ATP6V1E2: variants seen among roughly 807,000 people sequenced by gnomAD.
ATP6V1E2 encodes ATPase H+ transporting V1 subunit E2.
For synonymous variants in ATP6V1E2, 121 were observed against 104.2 expected (o/e 1.16, Z -0.98); for missense variants, 308 against 273.3 (o/e 1.13, Z -0.90).
At position 46,515,244 on chromosome 2, in the gene ATP6V1E2, G is replaced by A. The variant is rs1687661108; in HGVS notation, c.-101-2432C>T. Reference sequence around the variant, plus strand: ...TACAGAATACTGTAATACTGTAATGGTGATATGTAAATCACTTTTAATTCT... The same window carrying A: ...TACAGAATACTGTAATACTGTAATGATGATATGTAAATCACTTTTAATTCT... On this transcript the variant is annotated intron_variant, in intron 4 of 4. Coordinates refer to ENST00000522587, the MANE Select transcript of ATP6V1E2 (RefSeq NM_001318063.2). Among the ~76,000 whole-genome samples the A allele has an allele frequency of 2.0e-5, 3 of 152,270 alleles. No individual in the cohort carries two copies. In the South Asian group the frequency reaches 6.2e-4, roughly 32 times the overall value.
At chr2:46,514,892 A>G (rs1355651461) in intron 4 of ATP6V1E2, among the ~76,000 whole-genome samples, 1 of 152,198 alleles carries the variant, frequency 6.6e-6, no homozygotes, top group African/African-American at 2.4e-5. Context: ...GAAAGAGAAA[A>G]GAGCCATCAC....
chr2:46,513,348 C>T (rs1687565955), intron 4 of ATP6V1E2, among the ~76,000 whole-genome samples: 1 of 152,170 alleles, frequency 6.6e-6, no homozygotes, highest in Admixed American at 6.5e-5. Context: ...TGAGATTCAT[C>T]CTAAAGAATG....
chr2:46,537,645 G>C (rs1667517083), intron 2 of ATP6V1E2: 1 of 151,864 alleles, frequency 6.6e-6, no homozygotes, highest in African/African-American at 2.4e-5. Flanking sequence ...GACTGCTTCT[G>C]GATTTTTCCA....
At chr2:46,540,737 G>A (rs1455191376) in intron 2 of ATP6V1E2, among the ~76,000 whole-genome samples, 1 of 150,806 alleles carries the variant, frequency 6.6e-6, no homozygotes, top group Non-Finnish European at 1.5e-5. Flanking sequence ...GCTGACAGGG[G>A]GGCATTCTGG....
At chr2:46,522,910 C>T (rs1666712540) in intron 4 of ATP6V1E2, among the ~76,000 whole-genome samples, 1 of 152,112 alleles carries the variant, frequency 6.6e-6, no homozygotes, top group Admixed American at 6.6e-5. Context: ...TCTATTGTTT[C>T]CTGACTTTTT....
intron 4 of ATP6V1E2, among the ~76,000 whole-genome samples, chr2:46,517,338 T>A (rs1240565232): frequency 7.2e-5 from 11 of 152,152 alleles, no homozygotes; most frequent in Non-Finnish European, 1.5e-4. Context: ...CAACTAAAAA[T>A]TGATTGAAGA....
At position 46,512,032 on chromosome 2, in the gene ATP6V1E2, T is replaced by C; in HGVS notation, c.680A>G (p.Ter227=). The C allele has an allele frequency of 6.3e-7, 1 of 1,581,620 alleles. No homozygotes were observed. Among genetic ancestry groups the C allele is most frequent in the Non-Finnish European group, 8.6e-7 (1 of 1,165,894 alleles). The change falls in exon 5 of 5, where the codon TAA becomes TGA. Residue 227 remains the stop codon, a stop_retained_variant. Coordinates refer to ENST00000522587, the MANE Select transcript of ATP6V1E2 (RefSeq NM_001318063.2). ...GANTNRKFFI[*] ...ACACTAGCTTCACTTCCCAGAGGCT[T>C]ATATAAAGAACTTTCTGTTGGTGTT...
chr2:46,526,960 T>C (rs992805746), intron 4 of ATP6V1E2, among the ~76,000 whole-genome samples: 2 of 152,214 alleles, frequency 1.3e-5, no homozygotes, highest in African/African-American at 4.8e-5. Flanking sequence ...CTGCACCATT[T>C]TCCCCGGCAG....
At chr2:46,539,078 G>A (rs1332975558) in intron 2 of ATP6V1E2, among the ~76,000 whole-genome samples, 3 of 78,544 alleles carry the variant, frequency 3.8e-5, no homozygotes, top group African/African-American at 2.0e-4. Flanking sequence ...TAAGAAGACG[G>A]CAGCTTCCAA....
chr2:46,525,787 A>C (rs1361579407), intron 4 of ATP6V1E2, among the ~76,000 whole-genome samples: 1 of 152,096 alleles, frequency 6.6e-6, no homozygotes, highest in Non-Finnish European at 1.5e-5. Context: ...TTCACAACTG[A>C]ATTTCTCCTT....
chr2:46,514,625 A>T (rs1687631418), intron 4 of ATP6V1E2, among the ~76,000 whole-genome samples: 1 of 152,176 alleles, frequency 6.6e-6, no homozygotes. Flanking sequence ...AGAAAAGAAG[A>T]ATGAGAAAGA....
chr2:46,517,369 C>T (rs190682751), intron 4 of ATP6V1E2, among the ~76,000 whole-genome samples: 7 of 152,220 alleles, frequency 4.6e-5, no homozygotes, highest in Non-Finnish European at 7.4e-5. Context: ...AGGCCTGAAA[C>T]GATAAAATTC....
rs528746614 is a variant in ATP6V1E2 at position 46,521,405 on chromosome 2, C to T, written c.-101-8593G>A. ...CTGCCCAGACCCTGAAGCAACTGTT[C>T]TTCATTCCAGCTGGGATTTGTAAGC... On this transcript the variant is annotated intron_variant, in intron 4 of 4. Coordinates refer to ENST00000522587, the MANE Select transcript of ATP6V1E2 (RefSeq NM_001318063.2). Among the ~76,000 whole-genome samples the T allele has an allele frequency of 4.6e-5, 7 of 152,286 alleles. No homozygotes were observed. In the South Asian group the frequency reaches 1.2e-3, roughly 27 times the overall value.
intron 4 of ATP6V1E2, among the ~76,000 whole-genome samples, chr2:46,516,302 T>G (rs1687707279): frequency 6.6e-6 from 1 of 152,138 alleles, no homozygotes; most frequent in Non-Finnish European, 1.5e-5. Context: ...CTCAATAAAT[T>G]TAAGAAGATT....
intron 4 of ATP6V1E2, among the ~76,000 whole-genome samples, chr2:46,520,753 T>G (rs1392707587): frequency 1.3e-5 from 2 of 152,252 alleles, no homozygotes; most frequent in African/African-American, 4.8e-5. Context: ...AGGAAACTTC[T>G]TTGAAAATGA....
intron 2 of ATP6V1E2, among the ~76,000 whole-genome samples, chr2:46,540,640 T>TA (rs59537141): frequency 2.0e-5 from 3 of 146,612 alleles, no homozygotes; most frequent in Non-Finnish European, 3.0e-5. Context: ...TTTTTTTTTT[T>TA]ACCACTTGGA....
chr2:46,518,758 T>TG (rs1666440142), intron 4 of ATP6V1E2, among the ~76,000 whole-genome samples: 3 of 140,622 alleles, frequency 2.1e-5, no homozygotes, highest in Non-Finnish European at 4.6e-5. Context: ...CAAGTCAATT[T>TG]TGTGTGTGTG....
intron 4 of ATP6V1E2, among the ~76,000 whole-genome samples, chr2:46,532,330 T>C (rs1667223356): frequency 6.6e-6 from 1 of 152,050 alleles, no homozygotes; most frequent in Non-Finnish European, 1.5e-5. Context: ...TTTGATTTTT[T>C]TTTTTTTTTT....
intron 4 of ATP6V1E2, among the ~76,000 whole-genome samples, chr2:46,525,477 G>GAAAAAAAAAAAAA (rs541025098): frequency 7.9e-6 from 1 of 126,516 alleles, no homozygotes. Flanking sequence ...AAAAAAAAAA[G>GAAAAAAAAAAAAA]AAAAAAAAAA....
Sources: allele counts gnomAD v4.1 joint callset (sites outside exome capture counted in the v4.1 genomes callset), GRCh38; gene constraint gnomAD v4.1.1; transcripts MANE v1.5; gene names NCBI Gene and HGNC (gene_info 2026-07-23, HGNC 2026-07-21).